Variants in RBFOX1 observed in about 807,000 individuals in gnomAD.
The protein encoded by RBFOX1 is RNA binding fox-1 homolog 1.
Under a neutral mutation model 57.7 loss-of-function variants are expected in RBFOX1, and 8 were observed. The ratio of observed to expected loss-of-function variants is 0.14; its 90% CI spans 0.08 to 0.25. RBFOX1 has a LOEUF of 0.25. RBFOX1 is among the 10% of genes least tolerant of loss of function. The pLI is 1.00. For missense variants in RBFOX1, 611 were observed against 548.5 expected (o/e 1.11, Z -1.14); for synonymous variants, 326 against 222.4 (o/e 1.47, Z -4.15).
intron 1 of RBFOX1, among the ~76,000 whole-genome samples, chr16:6,050,528 T>C (rs1395994036): frequency 1.3e-5 from 2 of 152,180 alleles, no homozygotes; most frequent in Non-Finnish European, 2.9e-5. Context: ...ATTGATCGAT[T>C]GTCTCCCTTT....
intron 4 of RBFOX1, among the ~76,000 whole-genome samples, chr16:7,226,167 C>A (rs535167769): frequency 1.3e-5 from 2 of 152,140 alleles, no homozygotes; most frequent in African/African-American, 4.8e-5. Flanking sequence ...TGAAAGGTAA[C>A]ATCCCAGGGA....
intron 1 of RBFOX1, among the ~76,000 whole-genome samples, chr16:6,265,269 G>C (rs1309719597): frequency 6.6e-6 from 1 of 151,662 alleles, no homozygotes; most frequent in Non-Finnish European, 1.5e-5. Flanking sequence ...TTGTTTGTTT[G>C]GGGTTTTTGT....
At chr16:6,160,348 C>T (rs1026530561) in intron 1 of RBFOX1, among the ~76,000 whole-genome samples, 1 of 152,106 alleles carries the variant, frequency 6.6e-6, no homozygotes, top group Non-Finnish European at 1.5e-5. Flanking sequence ...GATAGAGAAG[C>T]AGATTAAGAT....
intron 4 of RBFOX1, among the ~76,000 whole-genome samples, chr16:7,448,571 G>A (rs139817010): frequency 8.5e-5 from 13 of 152,270 alleles, no homozygotes; most frequent in African/African-American, 2.9e-4. Context: ...CTCCAACCGG[G>A]TCCCTCCCAT....
chr16:5,520,992 T>C lies in RBFOX1; in HGVS notation c.258+53738T>C, dbSNP rs539061969. 2.0e-5 allele frequency among the ~76,000 whole-genome samples: 3 copies of C among 152,272 alleles called. No individual in the cohort carries two copies. In the East Asian group the frequency reaches 5.8e-4, roughly 29 times the overall value. ...GTGTCCTTTGAGTAAGAAAAGCATA[T>C]TGTTAAAGTCCATGGAGATTTGGGG... On this transcript the variant is annotated intron_variant, in intron 2 of 2. Coordinates refer to the RBFOX1 transcript ENST00000585867.
intron 7 of RBFOX1, among the ~76,000 whole-genome samples, chr16:7,591,615 G>T (rs545925042): frequency 6.6e-6 from 1 of 152,100 alleles, no homozygotes; most frequent in South Asian, 2.1e-4. Flanking sequence ...CAGGGCACAG[G>T]CCACCAATCT....
chr16:5,583,806 T>C (rs2046749673), intron 2 of RBFOX1, among the ~76,000 whole-genome samples: 1 of 152,204 alleles, frequency 6.6e-6, no homozygotes, highest in Non-Finnish European at 1.5e-5. Context: ...TGGAGTGAGC[T>C]GCTCAAGGTT....
At chr16:5,526,550 A>T (rs2044254022) in intron 2 of RBFOX1, among the ~76,000 whole-genome samples, 1 of 152,034 alleles carries the variant, frequency 6.6e-6, no homozygotes, top group African/African-American at 2.4e-5. Flanking sequence ...CAGCCTCCCA[A>T]AGTGCTGGGA....
chr16:7,426,733 G>T (rs947404903), intron 4 of RBFOX1, among the ~76,000 whole-genome samples: 1 of 152,194 alleles, frequency 6.6e-6, no homozygotes, highest in Admixed American at 6.5e-5. Flanking sequence ...ACCAACAGCA[G>T]TGGATCTTGG....
intron 4 of RBFOX1, among the ~76,000 whole-genome samples, chr16:7,216,400 A>T (rs1397427821): frequency 6.6e-6 from 1 of 152,138 alleles, no homozygotes; most frequent in Non-Finnish European, 1.5e-5. Flanking sequence ...CATGCCTGTA[A>T]TCCCAGCACT....
intron 7 of RBFOX1, among the ~76,000 whole-genome samples, chr16:7,589,975 G>T (rs1251591864): frequency 7.0e-6 from 1 of 142,104 alleles, no homozygotes; most frequent in African/African-American, 2.5e-5. Flanking sequence ...AAACCCATAT[G>T]TACTTAAGGG....
chr16:6,514,844 G>A (rs1333195071), intron 2 of RBFOX1, among the ~76,000 whole-genome samples: 4 of 151,916 alleles, frequency 2.6e-5, no homozygotes, highest in Admixed American at 6.6e-5. Context: ...TTGTAGTCAT[G>A]GAGTTTCCAA....
At chr16:7,153,893 A>G (rs2076580436) in intron 4 of RBFOX1, among the ~76,000 whole-genome samples, 1 of 151,998 alleles carries the variant, frequency 6.6e-6, no homozygotes, top group Non-Finnish European at 1.5e-5. Context: ...ATAGAGGTAA[A>G]TTGTTCTAGT....
Position 7,285,075 on chromosome 16 carries a change from C to CTTTTTT in RBFOX1, c.27+233002_27+233007dup, listed in dbSNP as rs58959488. Reference sequence around the variant, plus strand: ...CCCTTTGCTATCTATAGATTCCTTACTTTTTTTTTTTTTTTTTTTTTTTTT... The same window carrying CTTTTTT: ...CCCTTTGCTATCTATAGATTCCTTACTTTTTTTTTTTTTTTTTTTTTTTTTTTTTTT... On this transcript the variant is annotated intron_variant, in intron 4 of 15. Transcript: ENST00000550418. Among the ~76,000 whole-genome samples the CTTTTTT allele has an allele frequency of 1.1e-3, 46 of 42,730 alleles. 7 individuals are homozygous for CTTTTTT. Among genetic ancestry groups the CTTTTTT allele is most frequent in the Admixed American group, 1.6e-3 (5 of 3,176 alleles). The allele number at this position is 42,730 out of a possible 152,430, so 28.0% of individuals were successfully genotyped here. A position where few individuals can be genotyped will look rare whatever the true frequency, so the allele number is the denominator to read the frequency against.
chr16:6,611,308 G>C (rs1292602387), intron 2 of RBFOX1, among the ~76,000 whole-genome samples: 1 of 152,136 alleles, frequency 6.6e-6, no homozygotes, highest in African/African-American at 2.4e-5. Flanking sequence ...CACCACGCCT[G>C]GCTAATTTTT....
intron 3 of RBFOX1, among the ~76,000 whole-genome samples, chr16:7,018,696 A>G (rs777576534): frequency 2.0e-5 from 3 of 152,082 alleles, no homozygotes; most frequent in Non-Finnish European, 4.4e-5. Flanking sequence ...TGTAAATGAC[A>G]TGTTAATGGG....
At chr16:5,666,029 C>T (rs868390427) in intron 3 of RBFOX1, among the ~76,000 whole-genome samples, 37 of 152,360 alleles carry the variant, frequency 2.4e-4, no homozygotes, top group Middle Eastern at 6.8e-3. Flanking sequence ...CCAGTCAGAG[C>T]CTACAAGAGA....
At chr16:6,169,044 C>T (rs1414927932) in intron 1 of RBFOX1, among the ~76,000 whole-genome samples, 1 of 152,108 alleles carries the variant, frequency 6.6e-6, no homozygotes, top group Admixed American at 6.6e-5. Context: ...TAATGAGCGT[C>T]ATATAAACCA....
At chr16:6,309,267 A>G (rs1199561801) in intron 1 of RBFOX1, among the ~76,000 whole-genome samples, 1 of 152,128 alleles carries the variant, frequency 6.6e-6, no homozygotes, top group Non-Finnish European at 1.5e-5. Flanking sequence ...ACACCCTGTT[A>G]TCTCTGGCGG....
Sources: allele counts gnomAD v4.1 joint callset (sites outside exome capture counted in the v4.1 genomes callset), GRCh38; gene constraint gnomAD v4.1.1; transcripts MANE v1.5; gene names NCBI Gene and HGNC (gene_info 2026-07-23, HGNC 2026-07-21).